Variants in GMDS observed in about 807,000 individuals in gnomAD.
The protein encoded by GMDS is GDP-mannose 4,6-dehydratase, also known as GDP-mannose 4,6 dehydratase.
GMDS carries 20 observed loss-of-function variants against 49.9 expected under a neutral mutation model. The ratio of observed to expected loss-of-function variants is 0.40; its 90% CI spans 0.28 to 0.58. The LOEUF (loss-of-function observed/expected upper bound fraction) is 0.58. Among genes scored for constraint, GMDS ranks in the 20% least tolerant of loss-of-function variants. GMDS has a pLI of 0.42. For missense variants in GMDS, 362 were observed against 481.4 expected (o/e 0.75, Z 2.32); for synonymous variants, 177 against 178.6 (o/e 0.99, Z 0.07).
chr6:2,079,636 T>C (rs1177508435), intron 4 of GMDS, among the ~76,000 whole-genome samples: 4 of 152,160 alleles, frequency 2.6e-5, no homozygotes, highest in Admixed American at 6.5e-5. Flanking sequence ...GTATCATTCT[T>C]TCCTGGCTTG....
intron 1 of GMDS, among the ~76,000 whole-genome samples, chr6:2,189,367 T>C (rs769391482): frequency 4.6e-5 from 7 of 152,072 alleles, no homozygotes; most frequent in African/African-American, 1.2e-4. Flanking sequence ...GGGAGAGATT[T>C]AGAGATATCA....
At chr6:2,188,610 T>C (rs1220125862) in intron 1 of GMDS, among the ~76,000 whole-genome samples, 1 of 152,250 alleles carries the variant, frequency 6.6e-6, no homozygotes, top group Non-Finnish European at 1.5e-5. Flanking sequence ...CGACAATGGT[T>C]AGGTTCCTCA....
chr6:1,741,489 ATTTTCCAAATTTCTTTCATC>A (rs887230735), intron 8 of GMDS, among the ~76,000 whole-genome samples: 2 of 151,456 alleles, frequency 1.3e-5, no homozygotes, highest in African/African-American at 4.9e-5. Flanking sequence ...AATTTGGAAA[ATTTTCCAAATTTCTTTCATC>A]TTTCTTTTAA....
At chr6:2,242,495 T>C (rs1046850750) in intron 1 of GMDS, among the ~76,000 whole-genome samples, 1 of 152,280 alleles carries the variant, frequency 6.6e-6, no homozygotes, top group Non-Finnish European at 1.5e-5. Context: ...ACACCCTGGC[T>C]GTCCGCACTA....
chr6:2,158,687 T>C (rs757560669), intron 1 of GMDS, among the ~76,000 whole-genome samples: 1 of 152,238 alleles, frequency 6.6e-6, no homozygotes, highest in East Asian at 1.9e-4. Context: ...CCCTTCAGTA[T>C]TGGGGCAAGA....
At chr6:2,065,443 G>GAGA (rs750943982) in intron 4 of GMDS, among the ~76,000 whole-genome samples, 5 of 152,038 alleles carry the variant, frequency 3.3e-5, no homozygotes, top group African/African-American at 7.2e-5. Flanking sequence ...GACGAGCTGA[G>GAGA]AGAAGGCTTC....
chr6:2,026,475 C>T (rs757071144), intron 4 of GMDS, among the ~76,000 whole-genome samples: 2 of 152,206 alleles, frequency 1.3e-5, no homozygotes, highest in Non-Finnish European at 1.5e-5. Flanking sequence ...GAAGGGTTAA[C>T]GCACACATCG....
At chr6:1,658,431 C>T (rs1438890105) in intron 9 of GMDS, among the ~76,000 whole-genome samples, 1 of 152,236 alleles carries the variant, frequency 6.6e-6, no homozygotes, top group Non-Finnish European at 1.5e-5. Flanking sequence ...CCCACACAGC[C>T]CAGCGCTCTG....
intron 7 of GMDS, among the ~76,000 whole-genome samples, chr6:1,917,931 C>A (rs1273089968): frequency 6.6e-6 from 1 of 152,222 alleles, no homozygotes; most frequent in Non-Finnish European, 1.5e-5. Context: ...GAAATGAAAT[C>A]ACACTCACGA....
intron 9 of GMDS, among the ~76,000 whole-genome samples, chr6:1,666,800 C>T (rs114107495): frequency 4.6e-5 from 7 of 152,300 alleles, no homozygotes; most frequent in African/African-American, 7.2e-5. Context: ...CTAAGCGGAA[C>T]GATAGTGGAG....
At chr6:2,173,570 T>C (rs1778125428) in intron 1 of GMDS, among the ~76,000 whole-genome samples, 1 of 152,232 alleles carries the variant, frequency 6.6e-6, no homozygotes, top group South Asian at 2.1e-4. Flanking sequence ...TAATTAATTC[T>C]GAGTGGGCAT....
At chr6:1,784,528 AG>A (rs1470713460) in intron 7 of GMDS, among the ~76,000 whole-genome samples, 1 of 151,644 alleles carries the variant, frequency 6.6e-6, no homozygotes, top group East Asian at 1.9e-4. Context: ...GAGGGGAGAG[AG>A]GAGACAGCAG....
At chr6:2,014,113 TC>T (rs11315361) in intron 4 of GMDS, among the ~76,000 whole-genome samples, 84,601 of 118,522 alleles carry the variant, frequency 0.71, 29,761 homozygotes, top group African/African-American at 0.76. Flanking sequence ...AACAAAATTA[TC>T]CCCCCCCCCC....
At chr6:1,678,350 G>T (rs533697393) in intron 9 of GMDS, among the ~76,000 whole-genome samples, 1 of 152,258 alleles carries the variant, frequency 6.6e-6, no homozygotes, top group African/African-American at 2.4e-5. Flanking sequence ...CCCACCCAAT[G>T]CTGGCTCCAG....
chr6:2,242,103 T>C (rs72830189), intron 1 of GMDS, among the ~76,000 whole-genome samples: 68 of 152,266 alleles, frequency 4.5e-4, no homozygotes, highest in Non-Finnish European at 8.4e-4. Context: ...TACATGTAAA[T>C]ACAGAGGAAG....
At chr6:1,679,521 C>G (rs1249502677) in intron 9 of GMDS, 1 of 152,200 alleles carries the variant, frequency 6.6e-6, no homozygotes, top group East Asian at 1.9e-4. Flanking sequence ...CTGCTCTCTG[C>G]TCCTCATACC....
chr6:2,191,304 G>A lies in GMDS; in HGVS notation c.102+54017C>T, dbSNP rs757305178. 1.4e-4 allele frequency among the ~76,000 whole-genome samples: 22 copies of A among 152,224 alleles called. No homozygotes were observed. The highest frequency in any genetic ancestry group is 4.8e-4 in the African/African-American group (20 of 41,560). ...GGAGCTCTAGGCTGCCCCTGAGTGC[G>A]GGGGCCACGGGGGAGCTCACAGTGA... On this transcript the variant is annotated intron_variant, in intron 1 of 10. Transcript: ENST00000380815. This position sits in a 1 kb window ranked among gnomAD's most constrained non-coding sequence, Gnocchi z 4.6.
At chr6:2,162,746 G>A (rs1017902327) in intron 1 of GMDS, among the ~76,000 whole-genome samples, 2 of 150,428 alleles carry the variant, frequency 1.3e-5, no homozygotes, top group Non-Finnish European at 3.0e-5. Flanking sequence ...TACCAGATTT[G>A]AGTGAGACCC....
At chr6:1,795,642 A>T (rs1251714636) in intron 7 of GMDS, among the ~76,000 whole-genome samples, 1 of 152,244 alleles carries the variant, frequency 6.6e-6, no homozygotes, top group Non-Finnish European at 1.5e-5. Context: ...CTTTGAATGC[A>T]AATAAAATTT....
Sources: gnomAD v4.1 joint callset for allele counts (sites outside exome capture counted in the v4.1 genomes callset) on GRCh38, gnomAD v4.1.1 for gene constraint, Gnocchi (gnomAD v3.1) non-coding constraint, MANE v1.5 for transcripts, NCBI Gene and HGNC (gene_info 2026-07-23, HGNC 2026-07-21) for gene names.